Variants in DNAJC5 observed in about 807,000 individuals in gnomAD.
DNAJC5 encodes dnaJ homolog subfamily C member 5.
In DNAJC5, 1 loss-of-function variant was observed where a neutral mutation model predicts 23.2. The ratio of observed to expected loss-of-function variants is 0.04; its 90% CI spans 0.02 to 0.20. The LOEUF is 0.20. Among genes scored for constraint, DNAJC5 ranks in the 10% least tolerant of loss-of-function variants. DNAJC5 has a pLI of 1.00. For missense variants in DNAJC5, 180 were observed against 267.0 expected, an observed-to-expected ratio of 0.67 and a Z score of 2.27; for synonymous variants, 136 against 120.0, an observed-to-expected ratio of 1.13 and a Z score of -0.87.
intron 1 of DNAJC5, among the ~76,000 whole-genome samples, chr20:63,902,599 C>G (rs1405332618): frequency 1.3e-5 from 2 of 149,430 alleles, no homozygotes; most frequent in African/African-American, 2.5e-5. Flanking sequence ...ACCTCCCAAC[C>G]TCAGGTGATC....
Position 63,931,020 on chromosome 20 carries a change from G to C in DNAJC5, c.491G>C (p.Arg164Thr), listed in dbSNP as rs762961919. 2 of 1,613,874 alleles carry C rather than the reference G, an allele frequency of 1.2e-6. No homozygotes were observed. ...GAGGCACAGCTGCAGTCTGACGAGAGGGGTGAGTGCCCGCCCCAGGGCCCG... is the reference window on the plus strand; with the variant it reads ...GAGGCACAGCTGCAGTCTGACGAGACGGGTGAGTGCCCGCCCCAGGGCCCG... Reference protein sequence around the residue: ...DLEAQLQSDEREATDTPIVIQ... With the variant: ...DLEAQLQSDETEATDTPIVIQ... The change falls in exon 4 of 5, where the codon AGG becomes ACG. Residue 164 changes from arginine (R) to threonine (T), a missense_variant and splice_region_variant. Physicochemically the swap from Arg to Thr is moderately conservative, Grantham distance 71. Around this residue, in one of 3 missense-constraint regions of DNAJC5, gnomAD observed 97 missense variants for 123.4 expected, o/e 0.79. Transcript: ENST00000360864. This position sits in a 1 kb window ranked among gnomAD's most constrained non-coding sequence, Gnocchi z 9.6.
In DNAJC5 at chr20:63,929,335, C is replaced by T; in HGVS notation, c.131C>T (p.Pro44Leu). ...SYRKLALKYH[P>L]DKNPDNPEAA... ...AGGAAGCTTGCCTTGAAATATCACC[C>T]CGACAAGAACCCCGACAACCCGGAG... Residue 44 changes from proline to leucine, a missense_variant, in exon 3 of 5, where the codon CCC (proline) becomes CTC (leucine). Transcript: ENST00000360864. This position sits in a 1 kb window ranked among gnomAD's most constrained non-coding sequence, Gnocchi z 8.6. 1 of 1,614,010 alleles carries T rather than the reference C, an allele frequency of 6.2e-7. No homozygotes were observed. Among genetic ancestry groups the T allele is most frequent in the Non-Finnish European group, 8.5e-7 (1 of 1,179,992 alleles).
intron 1 of DNAJC5, among the ~76,000 whole-genome samples, chr20:63,911,830 C>T (rs1052293830): frequency 1.5e-4 from 23 of 151,786 alleles, no homozygotes; most frequent in Non-Finnish European, 2.8e-4. Context: ...TGCACCATCA[C>T]GCCTGGCGAG....
In DNAJC5 at chr20:63,931,069, G is replaced by A. The variant is rs768181415; in HGVS notation, c.493+47G>A. On this transcript the variant is annotated intron_variant, in intron 4 of 4. Coordinates refer to ENST00000360864, the MANE Select transcript of DNAJC5 (RefSeq NM_025219.3). This position sits in a 1 kb window ranked among gnomAD's most constrained non-coding sequence, Gnocchi z 9.6. ...CGTGTGTGTGTGTGGGGCAGAGCCA[G>A]AATGGGCCCTGAATGGTGTCAACCT... 1.3e-6 allele frequency: 2 copies of A among 1,591,188 alleles called. No individual in the cohort carries two copies. The highest frequency in any genetic ancestry group is 1.7e-6 in the Non-Finnish European group (2 of 1,162,486).
chr20:63,935,914 AG>A lies in DNAJC5; in HGVS notation c.*4347del, dbSNP rs1233795296. 2 of 152,220 alleles carry A rather than the reference AG, an allele frequency of 1.3e-5. No homozygotes were observed. The highest frequency in any genetic ancestry group is 4.8e-5 in the African/African-American group (2 of 41,438). 9.4% of individuals were successfully genotyped at this position (152,220 alleles called of 1,614,324 possible). On this transcript the variant is annotated 3_prime_UTR_variant, in exon 5 of 5. Coordinates refer to ENST00000360864, the MANE Select transcript of DNAJC5 (RefSeq NM_025219.3). ...TCAGACTCCGGCTGATCCTGGCTCG[AG>A]CACACACATCTAAGGGCCAGGCTGG...
intron 1 of DNAJC5, among the ~76,000 whole-genome samples, chr20:63,906,622 A>G (rs1473999970): frequency 3.3e-5 from 5 of 151,950 alleles, no homozygotes; most frequent in Non-Finnish European, 5.9e-5. Flanking sequence ...GTCTCTACTA[A>G]AAATACAAAA....
In DNAJC5 at chr20:63,933,570, C is replaced by G. The variant is rs1308958199; in HGVS notation, c.*2002C>G. ...ACCTCTCCTAAAAGAATAAGAAATT[C>G]ATTGTTTGGCCCATCCTGAAAGGTG... On this transcript the variant is annotated 3_prime_UTR_variant, in exon 5 of 5. Transcript: ENST00000360864. The G allele has an allele frequency of 6.6e-6, 1 of 152,316 alleles. No homozygotes were observed. Among genetic ancestry groups the G allele is most frequent in the Non-Finnish European group, 1.5e-5 (1 of 68,026 alleles). 9.4% of individuals were successfully genotyped at this position (152,316 alleles called of 1,614,324 possible).
chr20:63,908,256 G>A (rs2053459956), intron 1 of DNAJC5, among the ~76,000 whole-genome samples: 1 of 152,238 alleles, frequency 6.6e-6, no homozygotes, highest in South Asian at 2.1e-4. Context: ...TCACCCCAGG[G>A]TGAATTTCTC....
intron 1 of DNAJC5, among the ~76,000 whole-genome samples, chr20:63,907,242 G>C (rs765301550): frequency 3.9e-5 from 6 of 152,160 alleles, no homozygotes; most frequent in Non-Finnish European, 5.9e-5. Flanking sequence ...TACGATGTAC[G>C]GTGCTTGGGA....
chr20:63,934,462 G>C lies in DNAJC5; in HGVS notation c.*2894G>C, dbSNP rs1288822784. 6.6e-6 allele frequency: 1 copy of C among 152,324 alleles called. No homozygotes were observed. The highest frequency in any genetic ancestry group is 1.5e-5 in the Non-Finnish European group (1 of 68,114). The allele number at this position is 152,324 out of a possible 1,614,324, so 9.4% of individuals were successfully genotyped here. On this transcript the variant is annotated 3_prime_UTR_variant, in exon 5 of 5. Transcript: ENST00000360864. ...GCTGGGGGCTGCCAGGGGCCCTCTG[G>C]GGTCGTGCTTTGAGGCCCGTCCGGT... is the stretch of plus-strand genomic sequence containing the variant.
intron 1 of DNAJC5, among the ~76,000 whole-genome samples, chr20:63,906,069 A>C (rs138695994): frequency 2.1e-4 from 32 of 152,288 alleles, no homozygotes; most frequent in African/African-American, 7.7e-4. Context: ...TACTTTTTAC[A>C]TCTAAAATTC....
At chr20:63,923,832 ACT>A (rs1247162173) in intron 1 of DNAJC5, among the ~76,000 whole-genome samples, 1 of 152,188 alleles carries the variant, frequency 6.6e-6, no homozygotes. Context: ...CCGTTCCTAC[ACT>A]CTCACTGCCT....
intron 1 of DNAJC5, among the ~76,000 whole-genome samples, chr20:63,900,650 G>A (rs1411057085): frequency 2.0e-5 from 3 of 149,760 alleles, no homozygotes; most frequent in Non-Finnish European, 4.4e-5. Flanking sequence ...ACCTGCATAT[G>A]CCACAATTTA....
chr20:63,901,380 G>A (rs1357064467), intron 1 of DNAJC5, among the ~76,000 whole-genome samples: 3 of 152,206 alleles, frequency 2.0e-5, no homozygotes, highest in African/African-American at 4.8e-5. Flanking sequence ...TCTCTAGAGC[G>A]CGGCTGACTT....
In DNAJC5 at chr20:63,929,174, G is replaced by C; in HGVS notation, c.108-138G>C. Reference sequence around the variant, plus strand: ...TTTGTCCCTGGCCCCTGCAGCCCTGGAGAGTCGGACAGTGAGGTGGCCTGG... The same window carrying C: ...TTTGTCCCTGGCCCCTGCAGCCCTGCAGAGTCGGACAGTGAGGTGGCCTGG... On this transcript the variant is annotated intron_variant, in intron 2 of 4. Transcript: ENST00000360864. This position sits in a 1 kb window ranked among gnomAD's most constrained non-coding sequence, Gnocchi z 8.6. 1 of 1,012,174 alleles carries C rather than the reference G, an allele frequency of 9.9e-7. No individual in the cohort carries two copies. 62.7% of individuals were successfully genotyped at this position (1,012,174 alleles called of 1,614,324 possible).
chr20:63,926,278 G>A (rs549523456), intron 1 of DNAJC5, among the ~76,000 whole-genome samples: 13 of 152,238 alleles, frequency 8.5e-5, no homozygotes, highest in African/African-American at 2.2e-4. Flanking sequence ...GAAGTTGTTC[G>A]TATTTTATCC....
chr20:63,913,922 T>G (rs1465242953), intron 1 of DNAJC5, among the ~76,000 whole-genome samples: 1 of 152,166 alleles, frequency 6.6e-6, no homozygotes, highest in African/African-American at 2.4e-5. Flanking sequence ...GACCGTCCAT[T>G]GCAGGATGTG....
At chr20:63,902,397 C>T (rs2053419588) in intron 1 of DNAJC5, among the ~76,000 whole-genome samples, 2 of 118,930 alleles carry the variant, frequency 1.7e-5, no homozygotes. Context: ...CGGAGTTTCA[C>T]TCTTGTTTCC....
intron 1 of DNAJC5, among the ~76,000 whole-genome samples, chr20:63,899,265 A>G (rs1215177210): frequency 3.3e-5 from 5 of 152,182 alleles, no homozygotes; most frequent in Non-Finnish European, 5.9e-5. Context: ...TGGGACTGCC[A>G]TGCCAGGACC....
Sources: allele counts gnomAD v4.1 joint callset (sites outside exome capture counted in the v4.1 genomes callset), GRCh38; gene constraint gnomAD v4.1.1; regional missense constraint gnomAD v4.1.1; non-coding constraint Gnocchi (gnomAD v3.1); transcripts MANE v1.5; gene names NCBI Gene and HGNC (gene_info 2026-07-23, HGNC 2026-07-21).